The following TCOF1 variants were observed in gnomAD, a reference collection of about 807,000 sequenced individuals.
The protein encoded by TCOF1 is treacle ribosome biogenesis factor 1.
Under a neutral mutation model 149.0 loss-of-function variants are expected in TCOF1, and 33 were observed. That is an observed-to-expected ratio of 0.22 (90% CI 0.17 to 0.30). The LOEUF (loss-of-function observed/expected upper bound fraction) is 0.30. Ranked by LOEUF, TCOF1 falls within the 10% of genes least tolerant of loss-of-function variation. TCOF1 has a pLI of 1.00. For synonymous variants in TCOF1, 789 were observed against 738.8 expected, an observed-to-expected ratio of 1.07 and a Z score of -1.10; for missense variants, 1,728 against 1,840.7, an observed-to-expected ratio of 0.94 and a Z score of 1.12.
At chr5:150,381,767 T>C (rs1409409868) in intron 17 of TCOF1, among the ~76,000 whole-genome samples, 1 of 152,228 alleles carries the variant, frequency 6.6e-6, no homozygotes, top group African/African-American at 2.4e-5. Context: ...ATTGACTGTC[T>C]TAAAGTGCAC....
At chr5:150,394,235 T>A (rs12658289) in intron 23 of TCOF1, 26,636 of 153,292 alleles carry the variant, frequency 0.17, 2,530 homozygotes, top group African/African-American at 0.25. Flanking sequence ...GGTGTGGGCC[T>A]TGGGCCTCAG....
intron 2 of TCOF1, among the ~76,000 whole-genome samples, 184 bp from the exon 3 acceptor site, chr5:150,363,929 G>A (rs1760721541): frequency 6.6e-6 from 1 of 152,222 alleles, no homozygotes. Flanking sequence ...AATTGTAAAA[G>A]CACTTTATGA....
intron 13 of TCOF1, 24 bp from the exon 14 acceptor site, chr5:150,376,399 C>A: frequency 6.2e-7 from 1 of 1,614,186 alleles, no homozygotes; most frequent in Non-Finnish European, 8.5e-7. Flanking sequence ...CCTGGAGACA[C>A]CTCTCTTCCC....
intron 24 of TCOF1, among the ~76,000 whole-genome samples, chr5:150,397,170 A>C (rs1232211773): frequency 6.6e-6 from 1 of 151,634 alleles, no homozygotes. Flanking sequence ...AAAAAAAAAA[A>C]AAAAGGCTGA....
chr5:150,384,203 T>C (rs1214062441), intron 17 of TCOF1: 4 of 1,005,450 alleles, frequency 4.0e-6, no homozygotes, highest in Non-Finnish European at 4.7e-6. Flanking sequence ...GCTCACTGCC[T>C]CTCACTTTCC....
At chr5:150,363,004 T>G (rs564602033) in intron 2 of TCOF1, among the ~76,000 whole-genome samples, 2 of 152,280 alleles carry the variant, frequency 1.3e-5, no homozygotes, top group East Asian at 3.9e-4. Context: ...GAGTCTGTCT[T>G]CACCTATAAA....
At chr5:150,372,468 G>A (rs1762758953) in intron 7 of TCOF1, among the ~76,000 whole-genome samples, 1 of 152,268 alleles carries the variant, frequency 6.6e-6, no homozygotes, top group Admixed American at 6.5e-5. Flanking sequence ...CCTCGTCCCA[G>A]CCAGTCCTGC....
Position 150,375,390 on chromosome 5 carries a change from A to C in TCOF1, c.1540A>C (p.Met514Leu), listed in dbSNP as rs764006752. ...GGTGAAACCTGCCTCTACCATGGGC[A>C]TGGGGCCCTTGGGGAAAGGCGCCGG... Reference protein sequence around the residue: ...PQVKPASTMGMGPLGKGAGPV... With the variant: ...PQVKPASTMGLGPLGKGAGPV... Residue 514 changes from methionine to leucine, a missense_variant, in exon 11 of 27, where the codon ATG becomes CTG. This residue lies in a region of TCOF1 where 1,696 missense variants were observed against 1,765.4 expected (regional missense o/e 0.96). Coordinates refer to ENST00000643257, the MANE Select transcript of TCOF1 (RefSeq NM_001371623.1). The C allele has an allele frequency of 1.4e-5, 23 of 1,612,704 alleles. No individual in the cohort carries two copies. Among genetic ancestry groups the C allele is most frequent in the Non-Finnish European group, 1.0e-5 (12 of 1,179,800 alleles).
At position 150,375,291 on chromosome 5, in the gene TCOF1, A is replaced by G. The variant is rs180711436; in HGVS notation, c.1489-48A>G. ...CGTTTGCTCTCCTCCCCTCACTCAC[A>G]TTCTCCTTCTGGACTCCCTCCCTAA... On this transcript the variant is annotated intron_variant, in intron 10 of 26. Coordinates refer to ENST00000643257, the MANE Select transcript of TCOF1 (RefSeq NM_001371623.1). 205 of 1,605,414 alleles carry G rather than the reference A, an allele frequency of 1.3e-4. No individual in the cohort carries two copies. In the Middle Eastern group the frequency reaches 2.2e-3, roughly 17 times the overall value.
chr5:150,362,865 C>A (rs1015990224), intron 2 of TCOF1, among the ~76,000 whole-genome samples: 2 of 152,176 alleles, frequency 1.3e-5, no homozygotes, highest in Non-Finnish European at 2.9e-5. Context: ...TGCCACTGGC[C>A]CCTTCTATGG....
At chr5:150,371,453 C>T (rs1002998070) in intron 6 of TCOF1, among the ~76,000 whole-genome samples, 2 of 152,276 alleles carry the variant, frequency 1.3e-5, no homozygotes, top group African/African-American at 2.4e-5. Context: ...AACCCAGGGC[C>T]GCAAGGGGTC....
intron 17 of TCOF1, chr5:150,381,004 ACT>A (rs1408045498): frequency 1.3e-5 from 2 of 152,020 alleles, no homozygotes; most frequent in Admixed American, 6.6e-5. Flanking sequence ...ACAGAGTGAG[ACT>A]CTGTCACAAA....
Position 150,388,044 on chromosome 5 carries a change from G to T in TCOF1, c.3002G>T (p.Ser1001Ile), listed in dbSNP as rs777351514. Reference sequence around the variant, plus strand: ...ACAGCCAGGAGCTCCTCCTCCGAGAGCGAGGATGAGGACGTGATCCCCGCT... The same window carrying T: ...ACAGCCAGGAGCTCCTCCTCCGAGATCGAGGATGAGGACGTGATCCCCGCT... ...ESTARSSSSE[S>I]EDEDVIPATQ... The change falls in exon 18 of 27, where the codon AGC (serine) becomes ATC (isoleucine). Residue 1001 changes from serine (S) to isoleucine (I), a missense_variant. Coordinates refer to ENST00000643257, the MANE Select transcript of TCOF1 (RefSeq NM_001371623.1). 1 of 1,613,774 alleles carries T rather than the reference G, an allele frequency of 6.2e-7. No individual in the cohort carries two copies. The highest frequency in any genetic ancestry group is 2.2e-5 in the East Asian group (1 of 44,876).
At chr5:150,394,541 G>T (rs917127404) in intron 23 of TCOF1, 1 of 152,242 alleles carries the variant, frequency 6.6e-6, no homozygotes, top group Non-Finnish European at 1.5e-5. Flanking sequence ...GGAGCTAAGG[G>T]TCAAATATGT....
rs1763682229 is a variant in TCOF1 at position 150,375,917 on chromosome 5, C to T, written c.1893+8C>T. 1.9e-6 allele frequency: 3 copies of T among 1,614,206 alleles called. No homozygotes were observed. Among genetic ancestry groups the T allele is most frequent in the Non-Finnish European group, 2.5e-6 (3 of 1,180,044 alleles). On this transcript the variant is annotated splice_region_variant and intron_variant, in intron 12 of 26. Transcript: ENST00000643257. ...GCCATGACTGCAGCTCAGGTGAGGC[C>T]TGGGGAAGGAGGCTGCTACATGGCC...
At chr5:150,380,069 TCAA>T in intron 17 of TCOF1, 1 of 138,588 alleles carries the variant, frequency 7.2e-6, no homozygotes, top group South Asian at 1.7e-4. Flanking sequence ...TGAGACTGTC[TCAA>T]AAAAAAAAAA....
Position 150,392,768 on chromosome 5 carries a change from A to G in TCOF1, c.3581A>G (p.Asp1194Gly), listed in dbSNP as rs1424117491. The change falls in exon 22 of 27, where the codon GAT becomes GGT. Residue 1194 changes from aspartate (D) to glycine (G), a missense_variant. Physicochemically the swap from Asp to Gly is moderately conservative, Grantham distance 94 (BLOSUM62 -1). Transcript: ENST00000643257. ...GAGACCGCAGCAGAGTCCAGCGAGG[A>G]TGATGTGGTGGCGCCATCCCAGGTA... ...VEETAAESSE[D>G]DVVAPSQSLL... The G allele has an allele frequency of 3.1e-6, 5 of 1,613,894 alleles. No individual in the cohort carries two copies. The African/African-American group carries it at 6.7e-5, about 22-fold the overall frequency.
intron 17 of TCOF1, chr5:150,384,677 CTA>C (rs1554076841): frequency 5.1e-6 from 5 of 985,096 alleles, no homozygotes; most frequent in East Asian, 2.3e-4. Context: ...ATTCTGGAGT[CTA>C]TTTAAAAAGC....
chr5:150,364,015 C>G (rs1760737241), intron 2 of TCOF1, 98 bp from the exon 3 acceptor site: 12 of 1,576,946 alleles, frequency 7.6e-6, no homozygotes, highest in Non-Finnish European at 9.6e-6. Flanking sequence ...TGCACATTGC[C>G]TTTAAGAGCT....
Sources: allele counts gnomAD v4.1 joint callset (sites outside exome capture counted in the v4.1 genomes callset), GRCh38; gene constraint gnomAD v4.1.1; regional missense constraint gnomAD v4.1.1; transcripts MANE v1.5; gene names NCBI Gene and HGNC (gene_info 2026-07-23, HGNC 2026-07-21).